Variants in SEMA5A observed in about 807,000 individuals in gnomAD.
The protein encoded by SEMA5A is semaphorin 5A.
SEMA5A carries 55 observed loss-of-function variants against 135.5 expected under a neutral mutation model. The observed-to-expected ratio is 0.41, with a 90% CI of 0.33 to 0.51. The LOEUF is 0.51. Among genes scored for constraint, SEMA5A ranks in the 20% least tolerant of loss-of-function variants. SEMA5A has a pLI of 0.37. For synonymous variants in SEMA5A, 580 were observed against 546.5 expected, an observed-to-expected ratio of 1.06 and a Z score of -0.85; for missense variants, 1,290 against 1,419.9, an observed-to-expected ratio of 0.91 and a Z score of 1.47.
chr5:9,444,391 CT>C (rs1006639330), intron 1 of SEMA5A, among the ~76,000 whole-genome samples: 17 of 152,184 alleles, frequency 1.1e-4, no homozygotes, highest in African/African-American at 4.1e-4. Flanking sequence ...ATTCTTATGC[CT>C]TTTCATCCTC....
chr5:9,295,218 G>T (rs1443362089), intron 5 of SEMA5A, among the ~76,000 whole-genome samples: 3 of 152,136 alleles, frequency 2.0e-5, no homozygotes, highest in African/African-American at 7.2e-5. Flanking sequence ...AGGATTTGGG[G>T]ATTTCCATTA....
chr5:9,330,321 C>T (rs1405777132), intron 4 of SEMA5A, among the ~76,000 whole-genome samples: 6 of 149,970 alleles, frequency 4.0e-5, no homozygotes, highest in African/African-American at 7.4e-5. Flanking sequence ...ACCCGGGAGG[C>T]GGAGCTTGCA....
intron 5 of SEMA5A, among the ~76,000 whole-genome samples, chr5:9,274,233 A>C (rs144760441): frequency 0.011 from 1,735 of 152,106 alleles, 33 homozygotes; most frequent in African/African-American, 0.039. Context: ...TAAAGATCAA[A>C]AGAGACAAGG....
chr5:9,545,160 C>G lies in SEMA5A; in HGVS notation c.-175+424G>C, dbSNP rs1370341225. ...GGTGGGGCTGCGAGGTGGCCGCTCC[C>G]GAACCGCCAAGTCCCGACCTCCGTG... On this transcript the variant is annotated intron_variant, in intron 1 of 22. Transcript: ENST00000382496. This position sits in a 1 kb window ranked among gnomAD's most constrained non-coding sequence, Gnocchi z 4.5. Among the ~76,000 whole-genome samples, 5 of 152,164 alleles carry G rather than the reference C, an allele frequency of 3.3e-5. No individual in the cohort carries two copies. Among genetic ancestry groups the G allele is most frequent in the Admixed American group, 2.6e-4 (4 of 15,286 alleles).
At chr5:9,154,056 AAAAAAAATATAT>A (rs1346388755) in intron 12 of SEMA5A, among the ~76,000 whole-genome samples, 1 of 49,952 alleles carries the variant, frequency 2.0e-5, no homozygotes, top group East Asian at 3.9e-4. Flanking sequence ...AAAAAAAAAA[AAAAAAAATATAT>A]ATATATATAT....
chr5:9,052,896 T>G (rs913294266), intron 19 of SEMA5A, among the ~76,000 whole-genome samples: 1 of 152,216 alleles, frequency 6.6e-6, no homozygotes, highest in Admixed American at 6.5e-5. Context: ...TTTCCCCTTT[T>G]TAAATAGAAG....
intron 11 of SEMA5A, among the ~76,000 whole-genome samples, chr5:9,162,404 GTATATATA>G (rs140481114): frequency 0.03 from 3,742 of 124,190 alleles, 65 homozygotes; most frequent in African/African-American, 0.055. Context: ...GTGTGTGTGT[GTATATATA>G]TGTGTGTGTA....
At chr5:9,104,602 C>G (rs1248522722) in intron 16 of SEMA5A, among the ~76,000 whole-genome samples, 3 of 152,152 alleles carry the variant, frequency 2.0e-5, no homozygotes, top group African/African-American at 7.2e-5. Context: ...TATATGTAAT[C>G]CTCTAAACAG....
At chr5:9,403,325 C>T (rs982311230) in intron 2 of SEMA5A, among the ~76,000 whole-genome samples, 9 of 152,096 alleles carry the variant, frequency 5.9e-5, no homozygotes, top group African/African-American at 1.7e-4. Context: ...TTATCACAAT[C>T]GAGCTTAGGT....
chr5:9,253,492 C>T (rs1748908427), intron 5 of SEMA5A, among the ~76,000 whole-genome samples: 1 of 152,092 alleles, frequency 6.6e-6, no homozygotes, highest in Non-Finnish European at 1.5e-5. Context: ...GTTTTGGAAG[C>T]TATCTCTGGC....
At chr5:9,253,193 A>G (rs1479654) in intron 5 of SEMA5A, among the ~76,000 whole-genome samples, 54,750 of 151,998 alleles carry the variant, frequency 0.36, 10,465 homozygotes, top group East Asian at 0.48. Context: ...AGTAATGCTA[A>G]CAGAGTTGTC....
At chr5:9,131,003 C>G (rs1261432636) in intron 13 of SEMA5A, among the ~76,000 whole-genome samples, 1 of 152,138 alleles carries the variant, frequency 6.6e-6, no homozygotes, top group African/African-American at 2.4e-5. Flanking sequence ...TTCTAAAGAC[C>G]CTAACTACAT....
In SEMA5A at chr5:9,194,535, T is replaced by A. The variant is rs200193944; in HGVS notation, c.1068+2633A>T. Among the ~76,000 whole-genome samples, 70 of 152,322 alleles carry A rather than the reference T, an allele frequency of 4.6e-4. 1 individual carries two copies. The East Asian group carries it at 0.011, about 25-fold the overall frequency. On this transcript the variant is annotated intron_variant, in intron 10 of 22. Coordinates refer to ENST00000382496, the MANE Select transcript of SEMA5A (RefSeq NM_003966.3). ...GGAGGGATCGTTAGTTCAAATTGAATTCCCACTCTATGCCAGTCTGGATGG... is the reference window on the plus strand; with the variant it reads ...GGAGGGATCGTTAGTTCAAATTGAAATCCCACTCTATGCCAGTCTGGATGG...
chr5:9,227,118 A>C (rs1747357948), intron 6 of SEMA5A, 151 bp from the exon 7 acceptor site: 1 of 334,548 alleles, frequency 3.0e-6, no homozygotes, highest in Non-Finnish European at 5.2e-6. Flanking sequence ...AAACCATTAA[A>C]ACAACAAATA....
Position 9,391,291 on chromosome 5 carries a change from T to C in SEMA5A, c.-77-11268A>G, listed in dbSNP as rs1249535544. On this transcript the variant is annotated intron_variant, in intron 2 of 22. Coordinates refer to ENST00000382496, the MANE Select transcript of SEMA5A (RefSeq NM_003966.3). ...TGACGCAATGGCTTTGTCCGTGTCA[T>C]GTGCCCTCCTGTCCTTGAGGCAGGG... is the stretch of plus-strand genomic sequence containing the variant. Among the ~76,000 whole-genome samples, 5 of 152,198 alleles carry C rather than the reference T, an allele frequency of 3.3e-5. No homozygotes were observed. In the East Asian group the frequency reaches 9.6e-4, roughly 29 times the overall value.
chr5:9,370,142 T>G (rs1001903686), intron 3 of SEMA5A, among the ~76,000 whole-genome samples: 3 of 152,238 alleles, frequency 2.0e-5, no homozygotes, highest in Non-Finnish European at 4.4e-5. Flanking sequence ...AAACAAGTAA[T>G]TCTCTGTGCT....
intron 12 of SEMA5A, among the ~76,000 whole-genome samples, chr5:9,152,161 C>G (rs2150254050): frequency 6.6e-6 from 1 of 152,344 alleles, no homozygotes; most frequent in Non-Finnish European, 1.5e-5. Flanking sequence ...AAGCCATGCA[C>G]TCCCATTCTG....
chr5:9,127,045 A>C (rs372097654), intron 13 of SEMA5A, among the ~76,000 whole-genome samples: 1 of 152,190 alleles, frequency 6.6e-6, no homozygotes, highest in South Asian at 2.1e-4. Context: ...CAGGGAGGTA[A>C]GTTTTCCTTG....
intron 10 of SEMA5A, among the ~76,000 whole-genome samples, chr5:9,194,411 C>CA (rs1468811302): frequency 6.6e-6 from 1 of 152,176 alleles, no homozygotes; most frequent in Non-Finnish European, 1.5e-5. Flanking sequence ...AAGTACTGCA[C>CA]AAAATCCTAA....
Sources: gnomAD v4.1 joint callset for allele counts (sites outside exome capture counted in the v4.1 genomes callset) on GRCh38, gnomAD v4.1.1 for gene constraint, Gnocchi (gnomAD v3.1) non-coding constraint, MANE v1.5 for transcripts, NCBI Gene and HGNC (gene_info 2026-07-23, HGNC 2026-07-21) for gene names.